DEPDC5: variants seen among roughly 807,000 people sequenced by gnomAD.
DEPDC5 encodes the protein GATOR1 complex protein DEPDC5.
In DEPDC5, 73 loss-of-function variants were observed where a neutral mutation model predicts 217.3. The ratio of observed to expected loss-of-function variants is 0.34; its 90% confidence interval spans 0.28 to 0.41. The LOEUF is 0.41. DEPDC5 is among the 10% of genes least tolerant of loss of function. The probability of loss-of-function intolerance (pLI) is 1.00; values close to 1 mark genes in which losing one functional copy is unlikely to be tolerated. For synonymous variants in DEPDC5, 733 were observed against 756.7 expected, an observed-to-expected ratio of 0.97 and a Z score of 0.51; for missense variants, 1,675 against 2,070.1, an observed-to-expected ratio of 0.81 and a Z score of 3.70.
At chr22:31,902,058 C>G (rs1457351826) in intron 41 of DEPDC5, among the ~76,000 whole-genome samples, 1 of 152,114 alleles carries the variant, frequency 6.6e-6, no homozygotes, top group Non-Finnish European at 1.5e-5. Context: ...ATAGAACTCT[C>G]TCCTTAGCCT....
intron 22 of DEPDC5, 45 bp from the exon 23 acceptor site, chr22:31,821,457 A>G (rs1411671337): frequency 6.2e-7 from 1 of 1,609,660 alleles, no homozygotes; most frequent in African/African-American, 1.3e-5. Flanking sequence ...GCACAGCACT[A>G]GCTATCAGGT....
intron 10 of DEPDC5, among the ~76,000 whole-genome samples, chr22:31,789,338 A>C (rs2085372006): frequency 6.6e-6 from 1 of 152,266 alleles, no homozygotes; most frequent in Non-Finnish European, 1.5e-5. Context: ...ATGCTACAGC[A>C]TAGATGAATC....
chr22:31,837,358 T>C (rs2091087001), intron 26 of DEPDC5: 1 of 623,670 alleles, frequency 1.6e-6, no homozygotes, highest in Non-Finnish European at 2.7e-6. Flanking sequence ...TTTCCTTTTT[T>C]TTTTTTAACT....
intron 28 of DEPDC5, 36 bp downstream of exon 28, chr22:31,843,248 T>G: frequency 1.9e-6 from 3 of 1,584,634 alleles, no homozygotes; most frequent in Non-Finnish European, 2.6e-6. Context: ...TCAGTTATTG[T>G]CCTGAATTAT....
intron 33 of DEPDC5, among the ~76,000 whole-genome samples, chr22:31,865,209 C>T (rs118091420): frequency 0.01 from 1,557 of 152,026 alleles, 14 homozygotes; most frequent in Non-Finnish European, 0.016. Flanking sequence ...ATATAAGTAA[C>T]GCCAGGCGCA....
At chr22:31,790,735 CTTTTTTTTTTTCT>C (rs1208547585) in intron 10 of DEPDC5, among the ~76,000 whole-genome samples, 1 of 143,906 alleles carries the variant, frequency 6.9e-6, no homozygotes, top group African/African-American at 2.5e-5. Flanking sequence ...CCCTATCTCT[CTTTTTTTTTTTCT>C]TTTTTTTTTT....
intron 38 of DEPDC5, among the ~76,000 whole-genome samples, chr22:31,885,028 C>G (rs2093272080): frequency 6.6e-6 from 1 of 152,228 alleles, no homozygotes; most frequent in African/African-American, 2.4e-5. Context: ...CCTTCATCTT[C>G]TGTCTGCATT....
chr22:31,854,623 C>T (rs557438264), intron 31 of DEPDC5, among the ~76,000 whole-genome samples: 2 of 152,264 alleles, frequency 1.3e-5, no homozygotes, highest in South Asian at 4.1e-4. Flanking sequence ...TCAGTGGCAG[C>T]TCACATCATA....
rs967355274 is a variant in DEPDC5 at position 31,846,901 on chromosome 22, C to T, written c.3089C>T (p.Ala1030Val). The change falls in exon 31 of 43, where the codon GCA (alanine) becomes GTA (valine). Residue 1030 changes from alanine to valine, a missense_variant. Physicochemically the swap from Ala to Val is moderately conservative, Grantham distance 64 (BLOSUM62 0). Transcript: ENST00000651528. ...PISTHSLEST[A>V]PPVGKKGTSA... ...TCCACGCATTCTCTGGAGTCAACTGCACCCCCAGTGGGGAAGAAGGGAACC... is the reference window on the plus strand; with the variant it reads ...TCCACGCATTCTCTGGAGTCAACTGTACCCCCAGTGGGGAAGAAGGGAACC... 2.5e-6 allele frequency: 4 copies of T among 1,614,110 alleles called. No individual in the cohort carries two copies. Among genetic ancestry groups the T allele is most frequent in the Non-Finnish European group, 3.4e-6 (4 of 1,180,050 alleles).
chr22:31,829,653 ACATGATTCATATGTGAAT>A (rs1466296131), intron 24 of DEPDC5, among the ~76,000 whole-genome samples: 1 of 152,032 alleles, frequency 6.6e-6, no homozygotes, highest in South Asian at 2.1e-4. Context: ...CTGCATTTGG[ACATGATTCATATGTGAAT>A]CATGATTCAC....
intron 16 of DEPDC5, 78 bp downstream of exon 16, chr22:31,804,301 A>G (rs2087228492): frequency 2.2e-6 from 3 of 1,394,598 alleles, no homozygotes; most frequent in East Asian, 2.3e-5. Flanking sequence ...GCGCTGTGGC[A>G]TGCACTTATA....
At chr22:31,778,226 C>T in intron 8 of DEPDC5, 58 bp downstream of exon 8, 2 of 1,546,148 alleles carry the variant, frequency 1.3e-6, no homozygotes, top group Admixed American at 1.7e-5. Context: ...TGGCTAAGTC[C>T]TAAAATCAAA....
At chr22:31,793,465 C>A (rs1476844113) in intron 12 of DEPDC5, among the ~76,000 whole-genome samples, 1 of 151,814 alleles carries the variant, frequency 6.6e-6, no homozygotes, top group Non-Finnish European at 1.5e-5. Flanking sequence ...TTTTCAGTGC[C>A]ATTGACTAAG....
At chr22:31,794,065 C>T (rs2085975365) in intron 12 of DEPDC5, among the ~76,000 whole-genome samples, 1 of 152,176 alleles carries the variant, frequency 6.6e-6, no homozygotes, top group African/African-American at 2.4e-5. Flanking sequence ...AGTAACTTAT[C>T]CAAAGTCCAC....
chr22:31,843,327 T>C (rs952516093), intron 28 of DEPDC5, 115 bp downstream of exon 28: 12 of 1,137,172 alleles, frequency 1.1e-5, no homozygotes, highest in Admixed American at 2.4e-5. Flanking sequence ...GGTTTTTCTT[T>C]TGGAGTTTTG....
chr22:31,877,211 G>A (rs558140053), intron 37 of DEPDC5, among the ~76,000 whole-genome samples: 1 of 150,494 alleles, frequency 6.6e-6, no homozygotes, highest in Non-Finnish European at 1.5e-5. Context: ...CGAAGCAGGT[G>A]GATTGCCTGA....
chr22:31,792,195 C>G (rs2085743060), intron 11 of DEPDC5, 93 bp downstream of exon 11: 2 of 876,732 alleles, frequency 2.3e-6, no homozygotes, highest in African/African-American at 1.7e-5. Flanking sequence ...CCTCGTTGCA[C>G]TTTTCCACCC....
At chr22:31,844,860 A>C (rs907910693) in intron 29 of DEPDC5, 158 bp from the exon 30 acceptor site, 2 of 784,898 alleles carry the variant, frequency 2.5e-6, no homozygotes, top group African/African-American at 3.5e-5. Flanking sequence ...CATTCTCAGA[A>C]CTTGTATTTT....
chr22:31,879,635 T>G lies in DEPDC5; in HGVS notation c.3916T>G (p.Ser1306Ala), dbSNP rs766471416. The G allele has an allele frequency of 2.5e-6, 4 of 1,614,090 alleles. No individual in the cohort carries two copies. Among genetic ancestry groups the G allele is most frequent in the Non-Finnish European group, 3.4e-6 (4 of 1,180,014 alleles). The change falls in exon 38 of 43, where the codon TCT becomes GCT. Residue 1306 changes from serine (S) to alanine (A), a missense_variant. This residue lies in a region of DEPDC5 where 194 missense variants were observed against 199.3 expected (regional missense o/e 0.97). Coordinates refer to ENST00000651528, the MANE Select transcript of DEPDC5 (RefSeq NM_001242896.3). ...VAFVAEELVH[S>A]EIPAFLLPWL... ...CTTTGTGGCAGAAGAGCTCGTGCACTCTGAGATTCCTGCCTTTCTCCTGCC... is the reference window on the plus strand; with the variant it reads ...CTTTGTGGCAGAAGAGCTCGTGCACGCTGAGATTCCTGCCTTTCTCCTGCC...
Sources: gnomAD v4.1 joint callset for allele counts (sites outside exome capture counted in the v4.1 genomes callset) on GRCh38, gnomAD v4.1.1 for gene constraint, gnomAD v4.1.1 regional missense constraint, MANE v1.5 for transcripts, NCBI Gene and HGNC (gene_info 2026-07-23, HGNC 2026-07-21) for gene names.